Variants in DDX1 observed in about 807,000 individuals in gnomAD.
The protein encoded by DDX1 is ATP-dependent RNA helicase DDX1.
DDX1 carries 28 observed loss-of-function variants against 108.7 expected under a neutral mutation model. The observed-to-expected ratio is 0.26, with a 90% CI of 0.19 to 0.35. The LOEUF (loss-of-function observed/expected upper bound fraction) is 0.35. DDX1 is among the 10% of genes least tolerant of loss of function. The probability of loss-of-function intolerance (pLI) is 1.00; values close to 1 mark genes in which losing one functional copy is unlikely to be tolerated. For missense variants in DDX1, 710 were observed against 884.5 expected, an observed-to-expected ratio of 0.80 and a Z score of 2.50; for synonymous variants, 295 against 288.9, an observed-to-expected ratio of 1.02 and a Z score of -0.21.
At chr2:15,625,144 G>A (rs1476545787) in intron 19 of DDX1, among the ~76,000 whole-genome samples, 1 of 152,116 alleles carries the variant, frequency 6.6e-6, no homozygotes, top group Non-Finnish European at 1.5e-5. Flanking sequence ...TCCTTGCTGA[G>A]TAAACACAGC....
chr2:15,620,142 G>C, intron 16 of DDX1, 66 bp from the exon 17 acceptor site: 1 of 1,388,210 alleles, frequency 7.2e-7, no homozygotes, highest in Non-Finnish European at 1.0e-6. Flanking sequence ...TTTCATATCA[G>C]TGTTTGTGTG....
chr2:15,611,556 CG>C (rs1270127930), intron 13 of DDX1, among the ~76,000 whole-genome samples: 1 of 127,716 alleles, frequency 7.8e-6, no homozygotes, highest in African/African-American at 3.1e-5. Context: ...GCTGGCCGGG[CG>C]GGGGGCTGAC....
intron 24 of DDX1, 63 bp from the exon 25 acceptor site, chr2:15,629,927 A>T: frequency 6.9e-7 from 1 of 1,455,688 alleles, no homozygotes. Flanking sequence ...TTATTTAATG[A>T]TGATAAAATG....
chr2:15,619,177 C>G (rs956843851), intron 16 of DDX1, among the ~76,000 whole-genome samples: 1 of 152,186 alleles, frequency 6.6e-6, no homozygotes, highest in Admixed American at 6.5e-5. Context: ...CCCAACCTCA[C>G]TGCTCCCCCT....
intron 10 of DDX1, among the ~76,000 whole-genome samples, chr2:15,604,892 A>G (rs577171256): frequency 6.6e-6 from 1 of 152,244 alleles, no homozygotes; most frequent in South Asian, 2.1e-4. Context: ...GATCCAAATG[A>G]GTTGGGTGGT....
chr2:15,603,763 T>C (rs766485782), intron 8 of DDX1, 51 bp from the exon 9 acceptor site: 8 of 1,266,634 alleles, frequency 6.3e-6, no homozygotes, highest in East Asian at 2.4e-5. Context: ...TAGAGGTCTT[T>C]TAATTTTATA....
chr2:15,605,778 A>G (rs1017267408), intron 10 of DDX1, among the ~76,000 whole-genome samples, 172 bp from the exon 11 acceptor site: 7 of 152,192 alleles, frequency 4.6e-5, no homozygotes, highest in Non-Finnish European at 7.3e-5. Context: ...GGTAGAAGTG[A>G]CAGTTTCAGG....
chr2:15,607,442 A>C (rs1665682267), intron 13 of DDX1, 129 bp downstream of exon 13: 1 of 650,410 alleles, frequency 1.5e-6, no homozygotes, highest in East Asian at 3.0e-5. Context: ...TGAGTATGTA[A>C]ATATACTTTA....
At chr2:15,613,053 G>A (rs996224061) in intron 13 of DDX1, among the ~76,000 whole-genome samples, 171 bp from the exon 14 acceptor site, 1 of 151,874 alleles carries the variant, frequency 6.6e-6, no homozygotes, top group African/African-American at 2.4e-5. Context: ...GGAGGGAGAG[G>A]GCAGCGTGTA....
intron 20 of DDX1, 123 bp from the exon 21 acceptor site, chr2:15,628,322 A>C: frequency 1.5e-6 from 1 of 677,566 alleles, no homozygotes; most frequent in African/African-American, 1.8e-5. Context: ...GAGTATGTCG[A>C]CCTCTAATCT....
At chr2:15,617,880 A>G (rs1416276853) in intron 15 of DDX1, among the ~76,000 whole-genome samples, 1 of 152,140 alleles carries the variant, frequency 6.6e-6, no homozygotes, top group Non-Finnish European at 1.5e-5. Flanking sequence ...TTATATGAAA[A>G]GTCTGTTGAA....
intron 25 of DDX1, 105 bp from the exon 26 acceptor site, chr2:15,630,671 A>G (rs1258851409): frequency 2.4e-6 from 3 of 1,227,612 alleles, no homozygotes; most frequent in Non-Finnish European, 3.4e-6. Context: ...AGTACATTTT[A>G]TTGCTGCAAG....
rs1665980466 is a variant in DDX1, at chr2:15,620,313, C to T, written c.1312C>T (p.Pro438Ser). The T allele has an allele frequency of 6.2e-7, 1 of 1,613,940 alleles. No individual in the cohort carries two copies. Among genetic ancestry groups the T allele is most frequent in the South Asian group, 1.1e-5 (1 of 91,060 alleles). Residue 438 changes from proline (P) to serine (S), a missense_variant, in exon 17 of 26, where the codon CCA becomes TCA. Around this residue, in one of 3 missense-constraint regions of DDX1, gnomAD observed 661 missense variants for 810.2 expected, o/e 0.82. Transcript: ENST00000233084. Reference protein sequence around the residue: ...WVDLKGEDSVPDTVHHVVVPV... With the variant: ...WVDLKGEDSVSDTVHHVVVPV... The stretch of plus-strand genomic sequence containing the variant: ...TGACTTAAAAGGAGAAGACTCTGTT[C>T]CAGATACTGTACACCATGTTGTTGT...
Position 15,621,133 on chromosome 2 carries a change from A to C in DDX1, c.1447+17A>C. 1 of 1,577,486 alleles carries C rather than the reference A, an allele frequency of 6.3e-7. No homozygotes were observed. Among genetic ancestry groups the C allele is most frequent in the Non-Finnish European group, 8.7e-7 (1 of 1,149,164 alleles). ...ATAGTCCAGGTGAGTTAAAAGAGTCAAATGTGTTGAAAGATTTTGAAAATG... is the reference window on the plus strand; with the variant it reads ...ATAGTCCAGGTGAGTTAAAAGAGTCCAATGTGTTGAAAGATTTTGAAAATG... On this transcript the variant is annotated intron_variant, in intron 18 of 25. Transcript: ENST00000233084.
At chr2:15,592,804 T>C (rs976581537) in intron 1 of DDX1, among the ~76,000 whole-genome samples, 14 of 152,150 alleles carry the variant, frequency 9.2e-5, no homozygotes, top group African/African-American at 3.1e-4. Context: ...TTTAATGTTA[T>C]TAACTTTTTA....
Position 15,628,506 on chromosome 2 carries a change from G to C in DDX1, c.1748G>C (p.Gly583Ala). The change falls in exon 21 of 26, where the codon GGT (glycine) becomes GCT (alanine). Residue 583 changes from glycine to alanine, a missense_variant. By Grantham distance (60) the Gly-to-Ala change is moderately conservative. Coordinates refer to ENST00000233084, the MANE Select transcript of DDX1 (RefSeq NM_004939.3). Reference protein sequence around the residue: ...DVAARGIDIHGVPYVINVTLP... With the variant: ...DVAARGIDIHAVPYVINVTLP... ...GCTGCTAGAGGAATTGATATCCACG[G>C]TGTTCCTTATGGTAAAAAGCAACTT... 9 of 1,612,968 alleles carry C rather than the reference G, an allele frequency of 5.6e-6. No homozygotes were observed. Among genetic ancestry groups the C allele is most frequent in the Non-Finnish European group, 7.6e-6 (9 of 1,179,118 alleles).
intron 24 of DDX1, 106 bp from the exon 25 acceptor site, chr2:15,629,884 C>G (rs1666164738): frequency 5.9e-6 from 7 of 1,186,048 alleles, no homozygotes; most frequent in Non-Finnish European, 8.3e-6. Flanking sequence ...AATCTGACTT[C>G]CATTTATACC....
At chr2:15,621,020 A>G in intron 17 of DDX1, 45 bp from the exon 18 acceptor site, 1 of 1,243,252 alleles carries the variant, frequency 8.0e-7, no homozygotes. Context: ...CTGAATCATT[A>G]TTTAACCACT....
Position 15,612,880 on chromosome 2 carries a change from G to T in DDX1, c.957-344G>T, listed in dbSNP as rs927274636. ...AAACCAGTCAGGCGTGGTGGCGCGT[G>T]CCTGCAATCGCAGGCACTCGGCAAG... On this transcript the variant is annotated intron_variant, in intron 13 of 25. Coordinates refer to ENST00000233084, the MANE Select transcript of DDX1 (RefSeq NM_004939.3). Among the ~76,000 whole-genome samples, 281 of 151,688 alleles carry T rather than the reference G, an allele frequency of 1.9e-3. 1 individual carries two copies. The highest frequency in any genetic ancestry group is 5.9e-3 in the African/African-American group (244 of 41,486).
Sources: allele counts gnomAD v4.1 joint callset (sites outside exome capture counted in the v4.1 genomes callset), GRCh38; gene constraint gnomAD v4.1.1; regional missense constraint gnomAD v4.1.1; transcripts MANE v1.5; gene names NCBI Gene and HGNC (gene_info 2026-07-23, HGNC 2026-07-21).